The following SP140L variants were observed in gnomAD, a reference collection of about 807,000 sequenced individuals.
SP140L encodes SP140 like nuclear body protein, also known as nuclear body protein SP140-like protein.
In SP140L, 64 loss-of-function variants were observed where a neutral mutation model predicts 84.3. The observed-to-expected ratio is 0.76, with a 90% CI of 0.62 to 0.94. The LOEUF is 0.94. Ranked by LOEUF, SP140L falls within the 40% of genes least tolerant of loss-of-function variation. The pLI, the probability that SP140L is intolerant of heterozygous loss-of-function variation, is 0.00. For synonymous variants in SP140L, 242 were observed against 236.9 expected (o/e 1.02, Z -0.20); for missense variants, 628 against 692.5 (o/e 0.91, Z 1.05).
Position 230,357,877 on chromosome 2 carries a change from T to C in SP140L, c.180T>C (p.His60=). The change falls in exon 3 of 19, where the codon CAT becomes CAC. Residue 60 remains histidine (H), a synonymous_variant. Transcript: ENST00000415673. ...CTGTATTCAAGCACTTCAAAAGACA[T>C]AAGCTGGAGATATCAAATGCAATAA... is the stretch of plus-strand genomic sequence containing the variant. ...YDTVFKHFKR[H]KLEISNAIKK... 1 of 1,614,082 alleles carries C rather than the reference T, an allele frequency of 6.2e-7. No individual in the cohort carries two copies. The highest frequency in any genetic ancestry group is 1.1e-5 in the South Asian group (1 of 91,074).
intron 11 of SP140L, 183 bp from the exon 12 acceptor site, chr2:230,391,904 A>T: frequency 2.8e-6 from 2 of 703,810 alleles, no homozygotes; most frequent in Non-Finnish European, 4.6e-6. Flanking sequence ...CCACCAGGAA[A>T]TATACTTAGA....
intron 5 of SP140L, among the ~76,000 whole-genome samples, chr2:230,362,030 A>T (rs2060734626): frequency 6.6e-6 from 1 of 152,112 alleles, no homozygotes; most frequent in African/African-American, 2.4e-5. Context: ...AGTGTTAAGA[A>T]CCACAGCCCA....
intron 7 of SP140L, among the ~76,000 whole-genome samples, chr2:230,383,117 C>T (rs891080392): frequency 6.6e-6 from 1 of 152,178 alleles, no homozygotes; most frequent in African/African-American, 2.4e-5. Context: ...TCCCAATTTC[C>T]AGTACAGAAT....
intron 2 of SP140L, among the ~76,000 whole-genome samples, chr2:230,355,270 T>A (rs4973314): frequency 0.12 from 18,545 of 152,222 alleles, 1,181 homozygotes; most frequent in Middle Eastern, 0.15. Flanking sequence ...CATAAATACA[T>A]GGTTAATAGT....
chr2:230,381,290 G>A (rs979015739), intron 7 of SP140L, among the ~76,000 whole-genome samples: 1 of 152,174 alleles, frequency 6.6e-6, no homozygotes, highest in Non-Finnish European at 1.5e-5. Context: ...GGAGGGAGAT[G>A]TTCTCCACTT....
At chr2:230,366,058 TC>T (rs2060860375) in intron 5 of SP140L, among the ~76,000 whole-genome samples, 1 of 152,164 alleles carries the variant, frequency 6.6e-6, no homozygotes, top group South Asian at 2.1e-4. Context: ...TGGAGAATGT[TC>T]CATGTACAAG....
At chr2:230,328,113 A>G (rs1341512278) in intron 1 of SP140L, among the ~76,000 whole-genome samples, 1 of 152,166 alleles carries the variant, frequency 6.6e-6, no homozygotes, top group African/African-American at 2.4e-5. Flanking sequence ...GCTGGAGTGC[A>G]GTGGCACAAT....
rs1280880163 is a variant in SP140L, at chr2:230,383,565, C to T, written c.693C>T (p.Asn231=). The change falls in exon 8 of 19, where the codon AAC becomes AAT. Residue 231 remains asparagine (N), a synonymous_variant. Coordinates refer to ENST00000415673, the MANE Select transcript of SP140L (RefSeq NM_138402.6). Reference sequence around the variant, plus strand: ...TGGGAACGAGAACGCAGAAAAACAACCAACAAAATGGTAAGCAGGCAAAGT... The same window carrying T: ...TGGGAACGAGAACGCAGAAAAACAATCAACAAAATGGTAAGCAGGCAAAGT... ...SRMGTRTQKN[N]QQNDNSKADG... is the part of the protein sequence containing the mutation. 4 of 1,603,388 alleles carry T rather than the reference C, an allele frequency of 2.5e-6. No individual in the cohort carries two copies.
intron 14 of SP140L, among the ~76,000 whole-genome samples, chr2:230,399,136 G>A (rs1372038697): frequency 2.0e-5 from 3 of 152,146 alleles, no homozygotes; most frequent in Admixed American, 6.5e-5. Flanking sequence ...CCGGTTCTTT[G>A]TCATGAATAC....
At chr2:230,376,029 A>G (rs539518196) in intron 7 of SP140L, among the ~76,000 whole-genome samples, 56 of 152,212 alleles carry the variant, frequency 3.7e-4, no homozygotes, top group African/African-American at 1.3e-3. Context: ...TTTGAATTTT[A>G]TGGTTTCATG....
intron 7 of SP140L, among the ~76,000 whole-genome samples, chr2:230,377,730 A>C (rs1430312216): frequency 6.6e-6 from 1 of 152,174 alleles, no homozygotes; most frequent in African/African-American, 2.4e-5. Context: ...ATGTTTTTCA[A>C]AATGATTATG....
At chr2:230,334,839 G>C (rs1240264715) in intron 2 of SP140L, among the ~76,000 whole-genome samples, 2 of 151,976 alleles carry the variant, frequency 1.3e-5, no homozygotes, top group South Asian at 4.2e-4. Flanking sequence ...GTGAAATGTA[G>C]TTTAGGGTAA....
rs1211549478 is a variant in SP140L at position 230,371,543 on chromosome 2, C to T, written c.584-55C>T. On this transcript the variant is annotated intron_variant, in intron 6 of 18. Coordinates refer to ENST00000415673, the MANE Select transcript of SP140L (RefSeq NM_138402.6). ...TCTATAGTATGAATTGTCCTAAAAT[C>T]TATAACTTTTATTTATTAATTTCTG... The T allele has an allele frequency of 2.8e-6, 4 of 1,413,840 alleles. No homozygotes were observed. The African/African-American group carries it at 5.8e-5, about 21-fold the overall frequency. 87.6% of individuals were successfully genotyped at this position (1,413,840 alleles called of 1,614,324 possible).
rs1559462285 is a variant in SP140L, at chr2:230,396,792, C to T, written c.1191C>T (p.Asp397=). Reference sequence around the variant, plus strand: ...AGTCTCAAAACAATAGCTCAGTTGACCCTTGTGTAAGTATAAATTCTGAAC... The same window carrying T: ...AGTCTCAAAACAATAGCTCAGTTGATCCTTGTGTAAGTATAAATTCTGAAC... The part of the protein sequence containing the change: ...ILKSQNNSSV[D]PCMRNLDECE... The change falls in exon 14 of 19, where the codon GAC becomes GAT. Residue 397 remains aspartate, a synonymous_variant. Transcript: ENST00000415673. 1 of 1,613,862 alleles carries T rather than the reference C, an allele frequency of 6.2e-7. No individual in the cohort carries two copies. Among genetic ancestry groups the T allele is most frequent in the South Asian group, 1.1e-5 (1 of 91,052 alleles).
intron 7 of SP140L, among the ~76,000 whole-genome samples, chr2:230,381,940 CCT>C (rs1177271521): frequency 3.9e-5 from 6 of 152,150 alleles, no homozygotes; most frequent in Non-Finnish European, 7.3e-5. Context: ...GTTGAGCTTC[CCT>C]GAGTGGGATG....
chr2:230,360,756 C>T (rs1482161158), intron 4 of SP140L, among the ~76,000 whole-genome samples: 2 of 152,134 alleles, frequency 1.3e-5, no homozygotes, highest in Non-Finnish European at 2.9e-5. Flanking sequence ...TGGGGCAGCA[C>T]TGCCCACCGC....
intron 5 of SP140L, among the ~76,000 whole-genome samples, chr2:230,366,736 ATTATTATTATTT>A (rs2060888095): frequency 7.3e-6 from 1 of 136,358 alleles, no homozygotes; most frequent in South Asian, 2.3e-4. Flanking sequence ...TATTATTATT[ATTATTATTATTT>A]TTGGAGACAG....
intron 2 of SP140L, among the ~76,000 whole-genome samples, chr2:230,330,375 T>C (rs1185452446): frequency 2.0e-5 from 3 of 152,218 alleles, no homozygotes; most frequent in Non-Finnish European, 2.9e-5. Context: ...GAGCCTCTTC[T>C]TATGCCAGTA....
At chr2:230,329,515 G>A (rs1270106800) in intron 2 of SP140L, among the ~76,000 whole-genome samples, 1 of 152,186 alleles carries the variant, frequency 6.6e-6, no homozygotes, top group African/African-American at 2.4e-5. Flanking sequence ...TGTTGAGAGA[G>A]GGACCTGGTG....
Sources: gnomAD v4.1 joint callset for allele counts (sites outside exome capture counted in the v4.1 genomes callset) on GRCh38, gnomAD v4.1.1 for gene constraint, MANE v1.5 for transcripts, NCBI Gene and HGNC (gene_info 2026-07-23, HGNC 2026-07-21) for gene names.